Variants in ZGRF1 observed in about 807,000 individuals in gnomAD.
ZGRF1 encodes the protein 5'-3' DNA helicase ZGRF1.
ZGRF1 carries 196 observed loss-of-function variants against 203.5 expected under a neutral mutation model. The observed-to-expected ratio is 0.96, with a 90% confidence interval of 0.86 to 1.08. ZGRF1 has a LOEUF of 1.08. ZGRF1 is among the 50% of genes least tolerant of loss of function. ZGRF1 has a pLI of 0.00. For missense variants in ZGRF1, 2,326 were observed against 2,416.3 expected (o/e 0.96, Z 0.78); for synonymous variants, 809 against 841.3 (o/e 0.96, Z 0.66).
intron 11 of ZGRF1, 109 bp downstream of exon 11, chr4:112,589,615 A>C (rs1747807888): frequency 1.0e-6 from 1 of 970,550 alleles, no homozygotes; most frequent in South Asian, 1.4e-5. Context: ...GCTTCAAGGG[A>C]TATGACACTG....
At chr4:112,599,801 T>C (rs1019272673) in intron 10 of ZGRF1, among the ~76,000 whole-genome samples, 1 of 152,140 alleles carries the variant, frequency 6.6e-6, no homozygotes, top group African/African-American at 2.4e-5. Context: ...GAGAAACTAA[T>C]AAGAGACCCT....
At chr4:112,614,377 T>C (rs775912893) in intron 6 of ZGRF1, among the ~76,000 whole-genome samples, 7 of 152,240 alleles carry the variant, frequency 4.6e-5, no homozygotes, top group African/African-American at 7.2e-5. Context: ...CAGACATACA[T>C]AGAACAGCAA....
chr4:112,553,045 C>G (rs1740250194), intron 22 of ZGRF1, among the ~76,000 whole-genome samples: 1 of 152,228 alleles, frequency 6.6e-6, no homozygotes, highest in Non-Finnish European at 1.5e-5. Context: ...TCTTAAAGTA[C>G]TGAGACTGAG....
At chr4:112,565,845 C>A (rs1239754226) in intron 16 of ZGRF1, among the ~76,000 whole-genome samples, 1 of 152,150 alleles carries the variant, frequency 6.6e-6, no homozygotes, top group Non-Finnish European at 1.5e-5. Context: ...AGTCAGGAAA[C>A]AACAGGTGCT....
At chr4:112,549,842 G>A (rs866881598) in intron 22 of ZGRF1, among the ~76,000 whole-genome samples, 3 of 152,024 alleles carry the variant, frequency 2.0e-5, no homozygotes, top group East Asian at 1.9e-4. Flanking sequence ...TCCATAAGAA[G>A]GTATTGTTAT....
rs770829311 is a variant in ZGRF1, at chr4:112,540,118, G to C, written c.5917C>G (p.His1973Asp). 6 of 1,546,758 alleles carry C rather than the reference G, an allele frequency of 3.9e-6. No individual in the cohort carries two copies. The East Asian group carries it at 1.4e-4, about 36-fold the overall frequency. ...LYKSQMYKLC[H>D]LLSAVDFHHP... is the part of the protein sequence containing the mutation. ...TGAAAGTCCACAGCACTGAGTAAAT[G>C]ACAAAGCTGTGGAAGAAAAAACAGC... is the stretch of plus-strand genomic sequence containing the variant. The change falls in exon 27 of 28, where the codon CAT becomes GAT. Residue 1973 changes from histidine to aspartate, a missense_variant. Transcript: ENST00000505019.
chr4:112,549,281 A>T (rs13148069), intron 22 of ZGRF1, among the ~76,000 whole-genome samples: 3 of 151,930 alleles, frequency 2.0e-5, no homozygotes, highest in Admixed American at 6.6e-5. Flanking sequence ...CTCTAGAATT[A>T]GATGTAAACA....
intron 10 of ZGRF1, among the ~76,000 whole-genome samples, chr4:112,598,162 A>G (rs1749352349): frequency 6.6e-6 from 1 of 152,178 alleles, no homozygotes; most frequent in African/African-American, 2.4e-5. Flanking sequence ...TCAATTATAC[A>G]GTGCATACTG....
In ZGRF1 at chr4:112,618,649, A is replaced by G; in HGVS notation, c.1393T>C (p.Cys465Arg). ...IKENAQEVNT[C>R]GTLEKEYEQS... ...TCATACTCCTTTTCCAGTGTTCCAC[A>G]TGTATTTACCTCCTGAGCATTTTCT... The change falls in exon 6 of 28, where the codon TGT (cysteine) becomes CGT (arginine). Residue 465 changes from cysteine to arginine, a missense_variant. Coordinates refer to ENST00000505019, the MANE Select transcript of ZGRF1 (RefSeq NM_018392.5). 2 of 1,613,402 alleles carry G rather than the reference A, an allele frequency of 1.2e-6. No individual in the cohort carries two copies. The highest frequency in any genetic ancestry group is 8.5e-7 in the Non-Finnish European group (1 of 1,179,762).
rs568543794 is a variant in ZGRF1, at chr4:112,603,410, T to A, written c.2976+114A>T. 7.6e-5 allele frequency: 46 copies of A among 604,528 alleles called. 1 individual carries two copies. In the South Asian group the frequency reaches 1.2e-3, roughly 15 times the overall value. 37.4% of individuals were successfully genotyped at this position (604,528 alleles called of 1,614,324 possible). The stretch of plus-strand genomic sequence containing the variant: ...TGAGATATTATGCTTCTTGTCAATT[T>A]ACTGTACTCCTTTTTAACTTATAAC... On this transcript the variant is annotated intron_variant, in intron 10 of 27. Transcript: ENST00000505019.
chr4:112,601,085 A>G (rs1422017944), intron 10 of ZGRF1, among the ~76,000 whole-genome samples: 6 of 150,708 alleles, frequency 4.0e-5, no homozygotes, highest in Non-Finnish European at 8.9e-5. Context: ...CCTGGGCAAC[A>G]GAGCAAGACT....
intron 14 of ZGRF1, among the ~76,000 whole-genome samples, 160 bp downstream of exon 14, chr4:112,585,381 C>T (rs965611398): frequency 2.0e-5 from 3 of 152,152 alleles, no homozygotes; most frequent in African/African-American, 7.2e-5. Flanking sequence ...ATCATTCTTT[C>T]AATAAAACTT....
chr4:112,629,878 G>C (rs1395415307), intron 3 of ZGRF1: 3 of 262,642 alleles, frequency 1.1e-5, no homozygotes, highest in Non-Finnish European at 2.3e-5. Context: ...AATTAGCCAG[G>C]CATGGTGGTG....
intron 24 of ZGRF1, among the ~76,000 whole-genome samples, chr4:112,542,475 T>C (rs1054465825): frequency 7.2e-5 from 11 of 152,202 alleles, no homozygotes; most frequent in African/African-American, 2.7e-4. Flanking sequence ...TTCAACTATG[T>C]ACAAATACAT....
rs748433979 is a variant in ZGRF1 at position 112,560,931 on chromosome 4, T to G, written c.4762A>C (p.Thr1588Pro). The change falls in exon 19 of 28, where the codon ACA becomes CCA. Residue 1588 changes from threonine (T) to proline (P), a missense_variant. Transcript: ENST00000505019. The stretch of plus-strand genomic sequence containing the variant: ...AGTTCAAATTTTGTACTGACATTTG[T>G]GAAGGCTGGTGGGATAAATTTTCTC... ...SKRKFIPPAF[T>P]NVSTKFELLS... is the part of the protein sequence containing the mutation. The G allele has an allele frequency of 6.2e-7, 1 of 1,612,606 alleles. No homozygotes were observed. The highest frequency in any genetic ancestry group is 8.5e-7 in the Non-Finnish European group (1 of 1,178,948).
rs2149002981 is a variant in ZGRF1 at position 112,583,463 on chromosome 4, A to G, written c.4298+515T>C. Among the ~76,000 whole-genome samples, 6 of 152,292 alleles carry G rather than the reference A, an allele frequency of 3.9e-5. No homozygotes were observed. In the South Asian group the frequency reaches 1.2e-3, roughly 32 times the overall value. ...AAATAGCACCCTGCTAGTTATCCTG[A>G]TATTGCTGACATTGTTTGATGTTTA... is the stretch of plus-strand genomic sequence containing the variant. On this transcript the variant is annotated intron_variant, in intron 15 of 27. Transcript: ENST00000505019.
chr4:112,546,013 T>C (rs1488318837), intron 24 of ZGRF1, among the ~76,000 whole-genome samples: 1 of 151,418 alleles, frequency 6.6e-6, no homozygotes, highest in Non-Finnish European at 1.5e-5. Context: ...TTTGGGATAA[T>C]GAAAAAATTC....
intron 6 of ZGRF1, among the ~76,000 whole-genome samples, chr4:112,616,949 C>T (rs2046897362): frequency 6.6e-6 from 1 of 151,806 alleles, no homozygotes; most frequent in Non-Finnish European, 1.5e-5. Flanking sequence ...AAAATGTATT[C>T]CCTAGTACCT....
Position 112,587,346 on chromosome 4 carries a change from C to T in ZGRF1, c.3711G>A (p.Lys1237=). 1 of 1,613,720 alleles carries T rather than the reference C, an allele frequency of 6.2e-7. No homozygotes were observed. The highest frequency in any genetic ancestry group is 8.5e-7 in the Non-Finnish European group (1 of 1,179,746). Residue 1237 remains lysine, a synonymous_variant, in exon 12 of 28, where the codon AAG becomes AAA. Transcript: ENST00000505019. ...VLSLNLKQTS[K]TEEIKNVLGG... ...CTAATACATTTTTAATTTCCTCTGT[C>T]TTAGAAGTCTGCTTTAAATTCAGAG...
Sources: gnomAD v4.1 joint callset for allele counts (sites outside exome capture counted in the v4.1 genomes callset) on GRCh38, gnomAD v4.1.1 for gene constraint, MANE v1.5 for transcripts, NCBI Gene and HGNC (gene_info 2026-07-23, HGNC 2026-07-21) for gene names.